The following MYT1L variants were observed in gnomAD, a reference collection of about 807,000 sequenced individuals.
MYT1L encodes the protein myelin transcription factor 1-like protein.
A neutral mutation model predicts 126.7 loss-of-function variants in MYT1L; 12 were observed. The observed-to-expected ratio is 0.09, with a 90% CI of 0.06 to 0.15. MYT1L has a LOEUF of 0.15. Ranked by LOEUF, MYT1L falls within the 10% of genes least tolerant of loss-of-function variation. MYT1L has a pLI of 1.00. For synonymous variants in MYT1L, 541 were observed against 604.2 expected, an observed-to-expected ratio of 0.90 and a Z score of 1.53; for missense variants, 979 against 1,585.2, an observed-to-expected ratio of 0.62 and a Z score of 6.49.
intron 20 of MYT1L, 142 bp from the exon 21 acceptor site, chr2:1,839,512 GAAA>G: frequency 1.4e-6 from 1 of 728,474 alleles, no homozygotes; most frequent in Non-Finnish European, 2.2e-6. Context: ...AGAAAAAAGA[GAAA>G]GAAAGAAAAG....
chr2:1,932,877 C>G (rs1437582100), intron 9 of MYT1L, among the ~76,000 whole-genome samples: 1 of 152,088 alleles, frequency 6.6e-6, no homozygotes, highest in Non-Finnish European at 1.5e-5. Flanking sequence ...TGGGACACAC[C>G]AACTTGGCAT....
chr2:1,938,026 A>G (rs891328937), intron 9 of MYT1L, among the ~76,000 whole-genome samples: 1 of 152,336 alleles, frequency 6.6e-6, no homozygotes, highest in East Asian at 1.9e-4. Context: ...AGAACCTCAT[A>G]TATTCTCCAA....
chr2:2,295,705 C>CAGACAGAGAGAGAGAGAG lies in MYT1L; in HGVS notation c.-520-11203_-520-11202insCTCTCTCTCTCTCTGTCT, dbSNP rs2095674713. On this transcript the variant is annotated intron_variant, in intron 1 of 24. Transcript: ENST00000647738. ...ACAGACAGAGAGAGAGAGAGAGAGACAGACAGACAGAGAGAGAGATAGAGA... is the reference window on the plus strand; with the variant it reads ...ACAGACAGAGAGAGAGAGAGAGAGACAGACAGAGAGAGAGAGAGAGACAGACAGAGAGAGAGATAGAGA... Among the ~76,000 whole-genome samples the CAGACAGAGAGAGAGAGAG allele has an allele frequency of 1.8e-3, 22 of 12,484 alleles. 5 individuals are homozygous for CAGACAGAGAGAGAGAGAG. In the South Asian group the frequency reaches 0.048, roughly 27 times the overall value. The allele number at this position is 12,484 out of a possible 152,430, so 8.2% of individuals were successfully genotyped here. A position where few individuals can be genotyped will look rare whatever the true frequency, so the allele number is the denominator to read the frequency against.
intron 1 of MYT1L, among the ~76,000 whole-genome samples, chr2:2,310,050 T>C (rs976630522): frequency 3.3e-5 from 5 of 152,090 alleles, no homozygotes; most frequent in African/African-American, 1.2e-4. Flanking sequence ...TAGTACACTG[T>C]ATGTAGACTC....
intron 2 of MYT1L, among the ~76,000 whole-genome samples, chr2:2,199,643 G>A (rs1454089106): frequency 6.6e-6 from 1 of 152,194 alleles, no homozygotes; most frequent in Admixed American, 6.5e-5. Context: ...ATAAGGCTGT[G>A]TGTTCTGCAG....
chr2:2,307,520 G>A (rs1247928466), intron 1 of MYT1L, among the ~76,000 whole-genome samples: 1 of 152,026 alleles, frequency 6.6e-6, no homozygotes, highest in Non-Finnish European at 1.5e-5. Flanking sequence ...CCAAAGAAGA[G>A]CTCTGACCTT....
chr2:1,826,016 C>A (rs2039278101), intron 21 of MYT1L: 1 of 152,296 alleles, frequency 6.6e-6, no homozygotes, highest in Non-Finnish European at 1.5e-5. Context: ...CGGAGGACGA[C>A]TCTGCCCAAC....
intron 1 of MYT1L, chr2:2,326,182 C>G (rs2096244142): frequency 6.6e-6 from 1 of 152,476 alleles, no homozygotes; most frequent in Admixed American, 6.5e-5. Context: ...CACCCCTACC[C>G]TCTGGCGCCC....
At chr2:1,974,394 G>A (rs181935846) in intron 8 of MYT1L, 4 of 152,302 alleles carry the variant, frequency 2.6e-5, no homozygotes, top group Admixed American at 6.5e-5. Flanking sequence ...ACGTTCACTC[G>A]TGATGTAAGC....
At chr2:1,903,546 C>G (rs982303925) in intron 13 of MYT1L, among the ~76,000 whole-genome samples, 1 of 152,048 alleles carries the variant, frequency 6.6e-6, no homozygotes, top group African/African-American at 2.4e-5. Flanking sequence ...TAAATATGTC[C>G]TTTTTTCCCT....
intron 2 of MYT1L, among the ~76,000 whole-genome samples, chr2:2,236,578 C>T (rs1228898566): frequency 3.4e-5 from 5 of 147,702 alleles, no homozygotes; most frequent in Admixed American, 1.3e-4. Flanking sequence ...ATGTCACAAC[C>T]CAGCCCAGCA....
At chr2:1,835,493 T>C (rs894938187) in intron 21 of MYT1L, among the ~76,000 whole-genome samples, 1 of 152,236 alleles carries the variant, frequency 6.6e-6, no homozygotes, top group African/African-American at 2.4e-5. Flanking sequence ...ACCATCTGTA[T>C]ACCTAACACT....
At chr2:2,118,904 C>T (rs932660191) in intron 3 of MYT1L, among the ~76,000 whole-genome samples, 6 of 152,324 alleles carry the variant, frequency 3.9e-5, no homozygotes, top group Middle Eastern at 3.4e-3. Flanking sequence ...TAGAATAAGG[C>T]GCCATCTCCT....
intron 2 of MYT1L, among the ~76,000 whole-genome samples, chr2:2,179,044 A>G (rs558760144): frequency 6.6e-6 from 1 of 152,298 alleles, no homozygotes; most frequent in African/African-American, 2.4e-5. Flanking sequence ...TGCCATTCAC[A>G]TCTTACAGGC....
intron 2 of MYT1L, among the ~76,000 whole-genome samples, chr2:2,206,110 G>T (rs2093308286): frequency 6.6e-6 from 1 of 151,744 alleles, no homozygotes; most frequent in Non-Finnish European, 1.5e-5. Context: ...AGCCTCCTAA[G>T]CAACTGGGAT....
At chr2:2,206,414 A>G (rs571711751) in intron 2 of MYT1L, among the ~76,000 whole-genome samples, 2 of 152,178 alleles carry the variant, frequency 1.3e-5, no homozygotes, top group Non-Finnish European at 2.9e-5. Flanking sequence ...TAAAACGTCC[A>G]TGATATTAGA....
intron 4 of MYT1L, among the ~76,000 whole-genome samples, chr2:2,008,363 T>A (rs1387465385): frequency 2.6e-5 from 4 of 152,236 alleles, no homozygotes; most frequent in Admixed American, 2.6e-4. Context: ...TGGTCTTCAT[T>A]TGTGCAGTGG....
chr2:1,958,835 G>T (rs771325160), intron 8 of MYT1L, among the ~76,000 whole-genome samples: 1 of 145,430 alleles, frequency 6.9e-6, no homozygotes, highest in Admixed American at 6.8e-5. Context: ...CTGGTTTTCC[G>T]GCTGTTCACT....
At chr2:1,881,429 T>C (rs1005493796) in intron 18 of MYT1L, among the ~76,000 whole-genome samples, 2 of 151,210 alleles carry the variant, frequency 1.3e-5, no homozygotes, top group African/African-American at 4.9e-5. Flanking sequence ...CATTCTTGTT[T>C]TAGAAGTTTT....
Sources: gnomAD v4.1 joint callset for allele counts (sites outside exome capture counted in the v4.1 genomes callset) on GRCh38, gnomAD v4.1.1 for gene constraint, MANE v1.5 for transcripts, NCBI Gene and HGNC (gene_info 2026-07-23, HGNC 2026-07-21) for gene names.